The following PTPRK variants were observed in gnomAD, a reference collection of about 807,000 sequenced individuals.
The protein encoded by PTPRK is receptor-type tyrosine-protein phosphatase kappa.
PTPRK carries 75 observed loss-of-function variants against 178.0 expected under a neutral mutation model. The observed-to-expected ratio is 0.42, with a 90% CI of 0.35 to 0.51. PTPRK has a LOEUF of 0.51. Among genes scored for constraint, PTPRK ranks in the 20% least tolerant of loss-of-function variants. The pLI is 0.02. For synonymous variants in PTPRK, 637 were observed against 620.6 expected, an observed-to-expected ratio of 1.03 and a Z score of -0.39; for missense variants, 1,441 against 1,797.8, an observed-to-expected ratio of 0.80 and a Z score of 3.59.
At chr6:128,467,154 C>T (rs951805896) in intron 1 of PTPRK, among the ~76,000 whole-genome samples, 2 of 152,138 alleles carry the variant, frequency 1.3e-5, no homozygotes, top group African/African-American at 2.4e-5. Flanking sequence ...TGAGCACCAC[C>T]GCGCCCGGCT....
intron 1 of PTPRK, among the ~76,000 whole-genome samples, chr6:128,512,274 T>C (rs1341367692): frequency 6.6e-6 from 1 of 152,192 alleles, no homozygotes; most frequent in South Asian, 2.1e-4. Flanking sequence ...ATATTTTATA[T>C]TTAAGACAAT....
At chr6:128,296,070 G>A (rs569833464) in intron 3 of PTPRK, among the ~76,000 whole-genome samples, 30 of 152,044 alleles carry the variant, frequency 2.0e-4, no homozygotes, top group Non-Finnish European at 2.4e-4. Flanking sequence ...CAAGTCCTTC[G>A]AAGCAAAACA....
chr6:128,175,049 C>G (rs1220993375), intron 7 of PTPRK, among the ~76,000 whole-genome samples: 1 of 151,762 alleles, frequency 6.6e-6, no homozygotes, highest in Non-Finnish European at 1.5e-5. Context: ...CTTTGAGTAG[C>G]TAGAGAACAG....
At chr6:128,455,160 T>G (rs1848243707) in intron 1 of PTPRK, among the ~76,000 whole-genome samples, 1 of 152,174 alleles carries the variant, frequency 6.6e-6, no homozygotes, top group Non-Finnish European at 1.5e-5. Flanking sequence ...AATTATTATG[T>G]GATTCAGACT....
intron 13 of PTPRK, among the ~76,000 whole-genome samples, chr6:128,018,717 A>G (rs1772979292): frequency 1.3e-5 from 2 of 152,114 alleles, no homozygotes; most frequent in Admixed American, 1.3e-4. Flanking sequence ...GTATTAGGGA[A>G]TGTATAAACA....
At chr6:127,987,163 C>T (rs1171587245) in intron 21 of PTPRK, among the ~76,000 whole-genome samples, 7 of 151,462 alleles carry the variant, frequency 4.6e-5, no homozygotes, top group Admixed American at 2.0e-4. Flanking sequence ...CTTTTTAGTA[C>T]ATTTTCATAT....
chr6:128,334,855 TGAG>T (rs1193857424), intron 2 of PTPRK, among the ~76,000 whole-genome samples: 2 of 152,132 alleles, frequency 1.3e-5, no homozygotes, highest in Admixed American at 6.5e-5. Context: ...CTTTGGGGGC[TGAG>T]GAGGACTGTT....
intron 1 of PTPRK, chr6:128,491,819 C>G (rs1469403210): frequency 3.9e-6 from 2 of 517,164 alleles, no homozygotes; most frequent in Non-Finnish European, 7.7e-6. Flanking sequence ...AGAACAACAG[C>G]AGCAAAAGTT....
chr6:127,974,966 A>G (rs1276797384), intron 27 of PTPRK, among the ~76,000 whole-genome samples: 2 of 152,218 alleles, frequency 1.3e-5, no homozygotes, highest in Non-Finnish European at 2.9e-5. Context: ...CAGATTGGCA[A>G]GAGCCCATGC....
At chr6:128,405,928 A>T (rs1291223099) in intron 1 of PTPRK, among the ~76,000 whole-genome samples, 1 of 152,152 alleles carries the variant, frequency 6.6e-6, no homozygotes, top group Non-Finnish European at 1.5e-5. Flanking sequence ...GTTTTGTAGG[A>T]CTTTGAAATA....
chr6:128,161,233 T>C (rs1798664317), intron 7 of PTPRK, among the ~76,000 whole-genome samples: 1 of 151,744 alleles, frequency 6.6e-6, no homozygotes, highest in African/African-American at 2.4e-5. Flanking sequence ...AATTAACAGT[T>C]CTGTGGCTTT....
intron 10 of PTPRK, among the ~76,000 whole-genome samples, chr6:128,081,360 G>C (rs1476070447): frequency 6.6e-6 from 1 of 151,708 alleles, no homozygotes; most frequent in Non-Finnish European, 1.5e-5. Context: ...CTCTTCCAAG[G>C]AATTATAGCT....
chr6:128,337,370 A>G (rs1831080507), intron 2 of PTPRK, among the ~76,000 whole-genome samples: 1 of 152,208 alleles, frequency 6.6e-6, no homozygotes, highest in African/African-American at 2.4e-5. Context: ...TTAAGACAGT[A>G]AAAATATTTA....
chr6:128,287,799 T>C (rs1822748579), intron 3 of PTPRK, among the ~76,000 whole-genome samples: 1 of 152,170 alleles, frequency 6.6e-6, no homozygotes, highest in Non-Finnish European at 1.5e-5. Flanking sequence ...TCTCATTCCG[T>C]CTGTCATCAA....
At chr6:128,293,146 A>C (rs1823683506) in intron 3 of PTPRK, among the ~76,000 whole-genome samples, 1 of 152,122 alleles carries the variant, frequency 6.6e-6, no homozygotes, top group Non-Finnish European at 1.5e-5. Context: ...GTATAGAATA[A>C]GTGGAGGTAG....
rs148536191 is a variant in PTPRK at position 128,469,718 on chromosome 6, A to T, written c.100+50541T>A. The stretch of plus-strand genomic sequence containing the variant: ...CCGGCAAAGAGGAATTAAGGTTGAT[A>T]ATCAGCTGACGTTGAGATGGGGAGA... On this transcript the variant is annotated intron_variant, in intron 1 of 29. Coordinates refer to ENST00000368226, the MANE Select transcript of PTPRK (RefSeq NM_002844.4). Among the ~76,000 whole-genome samples the T allele has an allele frequency of 2.4e-4, 37 of 152,286 alleles. 1 individual carries two copies. Among genetic ancestry groups the T allele is most frequent in the African/African-American group, 8.4e-4 (35 of 41,576 alleles).
Position 128,047,170 on chromosome 6 carries a change from G to A in PTPRK, c.2194+17588C>T, listed in dbSNP as rs73775703. Among the ~76,000 whole-genome samples the A allele has an allele frequency of 5.6e-3, 849 of 152,266 alleles. 7 individuals are homozygous for A. Among genetic ancestry groups the A allele is most frequent in the African/African-American group, 0.02 (823 of 41,564 alleles). ...GCATTTGGATTTTGGATAAAATCTT[G>A]CATGTACTTCTACTCTTTTGTAACA... On this transcript the variant is annotated intron_variant, in intron 13 of 29. Coordinates refer to ENST00000368226, the MANE Select transcript of PTPRK (RefSeq NM_002844.4).
At chr6:128,225,811 A>C (rs577968879) in intron 5 of PTPRK, among the ~76,000 whole-genome samples, 32 of 152,294 alleles carry the variant, frequency 2.1e-4, no homozygotes, top group African/African-American at 7.7e-4. Flanking sequence ...AAATGACAAT[A>C]AATTCAAACT....
intron 7 of PTPRK, among the ~76,000 whole-genome samples, chr6:128,100,500 T>C (rs1277767211): frequency 6.6e-6 from 1 of 151,934 alleles, no homozygotes; most frequent in Admixed American, 6.6e-5. Context: ...TCCAGAAAAA[T>C]TTTAATAAAC....
Sources: allele counts gnomAD v4.1 joint callset (sites outside exome capture counted in the v4.1 genomes callset), GRCh38; gene constraint gnomAD v4.1.1; transcripts MANE v1.5; gene names NCBI Gene and HGNC (gene_info 2026-07-23, HGNC 2026-07-21).